The following CAMKMT variants were observed in gnomAD, a reference collection of about 807,000 sequenced individuals.
CAMKMT encodes the protein calmodulin-lysine N-methyltransferase.
A neutral mutation model predicts 48.0 loss-of-function variants in CAMKMT; 53 were observed. That is an observed-to-expected ratio of 1.10 (90% CI 0.89 to 1.39). The LOEUF is 1.39. Ranked by LOEUF, CAMKMT falls within the 40% of genes most tolerant of loss-of-function variation. The pLI is 0.00. For missense variants in CAMKMT, 428 were observed against 402.7 expected (o/e 1.06, Z -0.54); for synonymous variants, 165 against 152.3 (o/e 1.08, Z -0.61).
intron 3 of CAMKMT, among the ~76,000 whole-genome samples, chr2:44,557,556 C>T (rs768538599): frequency 5.3e-5 from 8 of 152,136 alleles, no homozygotes; most frequent in Non-Finnish European, 8.8e-5. Context: ...TAACTTATTT[C>T]TTCCTTCTTT....
Position 44,362,083 on chromosome 2 carries a change from A to G in CAMKMT, c.76A>G (p.Thr26Ala). ...GGGCGGGAGTCCGGCAGTTGGCTGC[A>G]CCACTCGGGGGCCCGTAGTCTCGGC... Reference protein sequence around the residue: ...AAGGSPAVGCTTRGPVVSAPL... With the variant: ...AAGGSPAVGCATRGPVVSAPL... The change falls in exon 1 of 11, where the codon ACC becomes GCC. Residue 26 changes from threonine to alanine, a missense_variant. Thr to Ala is a moderately conservative substitution (Grantham distance 58). Coordinates refer to ENST00000378494, the MANE Select transcript of CAMKMT (RefSeq NM_024766.5). 6.9e-7 allele frequency: 1 copy of G among 1,457,192 alleles called. No homozygotes were observed. 90.3% of individuals were successfully genotyped at this position (1,457,192 alleles called of 1,614,324 possible).
intron 3 of CAMKMT, among the ~76,000 whole-genome samples, chr2:44,468,651 G>A (rs1668255019): frequency 6.6e-6 from 1 of 152,112 alleles, no homozygotes; most frequent in Non-Finnish European, 1.5e-5. Flanking sequence ...AGGTGTGGTG[G>A]CTTATGCCTG....
At chr2:44,586,675 G>A (rs942897684) in intron 3 of CAMKMT, among the ~76,000 whole-genome samples, 13 of 152,136 alleles carry the variant, frequency 8.5e-5, no homozygotes, top group African/African-American at 2.2e-4. Context: ...ATTCTGTTGT[G>A]TGCAGTTATA....
Position 44,390,271 on chromosome 2 carries a change from T to C in CAMKMT, c.342T>C (p.Asp114=). 1 of 1,610,384 alleles carries C rather than the reference T, an allele frequency of 6.2e-7. No individual in the cohort carries two copies. Among genetic ancestry groups the C allele is most frequent in the Non-Finnish European group, 8.5e-7 (1 of 1,178,438 alleles). The change falls in exon 3 of 11, where the codon GAT becomes GAC. Residue 114 remains aspartate, a synonymous_variant. Transcript: ENST00000378494. The stretch of plus-strand genomic sequence containing the variant: ...ATAGTGGATCCTTGAATGTTGAAGA[T>C]GTCCTTACCAGCTTTGACAATACAG... ...RHNSGSLNVE[D]VLTSFDNTGN...
chr2:44,654,705 G>A (rs1341892778), intron 3 of CAMKMT, among the ~76,000 whole-genome samples: 2 of 152,162 alleles, frequency 1.3e-5, no homozygotes, highest in Non-Finnish European at 2.9e-5. Context: ...GGTAGAGACA[G>A]GGTTTCGCCA....
chr2:44,629,167 A>G (rs572442926), intron 3 of CAMKMT, among the ~76,000 whole-genome samples: 3 of 152,144 alleles, frequency 2.0e-5, no homozygotes, highest in African/African-American at 2.4e-5. Context: ...GTTTATTTCT[A>G]TCAGCTTCTG....
intron 3 of CAMKMT, among the ~76,000 whole-genome samples, chr2:44,602,990 A>G (rs1339284896): frequency 1.3e-5 from 2 of 152,032 alleles, no homozygotes. Context: ...CAAGTATTTA[A>G]GCATCATTAA....
At chr2:44,644,248 A>T (rs182706952) in intron 3 of CAMKMT, among the ~76,000 whole-genome samples, 6 of 152,200 alleles carry the variant, frequency 3.9e-5, no homozygotes, top group African/African-American at 1.4e-4. Context: ...GGCCCAAAAA[A>T]CTATGAAAGG....
At chr2:44,663,694 A>C (rs1674802137) in intron 3 of CAMKMT, among the ~76,000 whole-genome samples, 1 of 152,152 alleles carries the variant, frequency 6.6e-6, no homozygotes, top group Non-Finnish European at 1.5e-5. Context: ...AATTGCCTAT[A>C]ACATTTTATT....
At chr2:44,420,676 C>G (rs1259857785) in intron 3 of CAMKMT, among the ~76,000 whole-genome samples, 1 of 151,888 alleles carries the variant, frequency 6.6e-6, no homozygotes, top group Non-Finnish European at 1.5e-5. Flanking sequence ...TGCATTATTA[C>G]TAAACCCTAG....
chr2:44,379,902 A>G (rs1384108775), intron 2 of CAMKMT, among the ~76,000 whole-genome samples: 1 of 151,942 alleles, frequency 6.6e-6, no homozygotes, highest in East Asian at 1.9e-4. Context: ...GATATTTGCA[A>G]ATATTTTCTC....
intron 3 of CAMKMT, among the ~76,000 whole-genome samples, chr2:44,662,346 C>T (rs1293880268): frequency 6.6e-6 from 1 of 152,202 alleles, no homozygotes; most frequent in Non-Finnish European, 1.5e-5. Flanking sequence ...GTGGGGCCAA[C>T]TGCTTTCTTA....
intron 3 of CAMKMT, among the ~76,000 whole-genome samples, 195 bp downstream of exon 3, chr2:44,390,500 G>A (rs1163919702): frequency 6.7e-6 from 1 of 149,964 alleles, no homozygotes; most frequent in African/African-American, 2.5e-5. Flanking sequence ...GGATACTGCA[G>A]TTTCTAAACT....
At chr2:44,654,623 G>T (rs916722394) in intron 3 of CAMKMT, among the ~76,000 whole-genome samples, 1 of 152,092 alleles carries the variant, frequency 6.6e-6, no homozygotes, top group African/African-American at 2.4e-5. Context: ...AGCAGTTCTT[G>T]TGTCTTGGCC....
intron 3 of CAMKMT, among the ~76,000 whole-genome samples, chr2:44,514,482 G>A (rs1282186942): frequency 6.6e-6 from 1 of 152,202 alleles, no homozygotes; most frequent in African/African-American, 2.4e-5. Context: ...TCTGAGAGCA[G>A]GCGGACATTG....
intron 3 of CAMKMT, among the ~76,000 whole-genome samples, chr2:44,673,171 A>G (rs1447261946): frequency 6.6e-6 from 1 of 152,064 alleles, no homozygotes; most frequent in Non-Finnish European, 1.5e-5. Flanking sequence ...CATGCCTGTA[A>G]TCCCAGCATT....
At chr2:44,467,186 C>G (rs1411363213) in intron 3 of CAMKMT, among the ~76,000 whole-genome samples, 1 of 151,320 alleles carries the variant, frequency 6.6e-6, no homozygotes, top group Non-Finnish European at 1.5e-5. Context: ...CCTGGGAGGT[C>G]AAGGCTGCAG....
At chr2:44,434,541 C>A (rs1684836713) in intron 3 of CAMKMT, among the ~76,000 whole-genome samples, 1 of 152,052 alleles carries the variant, frequency 6.6e-6, no homozygotes, top group Non-Finnish European at 1.5e-5. Context: ...TAATATTGTC[C>A]TACTGTATGG....
intron 3 of CAMKMT, among the ~76,000 whole-genome samples, chr2:44,514,843 A>G (rs1411984393): frequency 6.6e-6 from 1 of 152,234 alleles, no homozygotes; most frequent in South Asian, 2.1e-4. Flanking sequence ...ATCCTTCCTG[A>G]ATATTTTAAG....
Sources: gnomAD v4.1 joint callset for allele counts (sites outside exome capture counted in the v4.1 genomes callset) on GRCh38, gnomAD v4.1.1 for gene constraint, MANE v1.5 for transcripts, NCBI Gene and HGNC (gene_info 2026-07-23, HGNC 2026-07-21) for gene names.